SASH1: variants seen among roughly 807,000 people sequenced by gnomAD.
SASH1 encodes the protein SAM and SH3 domain containing 1.
SASH1 carries 44 observed loss-of-function variants against 125.2 expected under a neutral mutation model. The observed-to-expected ratio is 0.35, with a 90% confidence interval of 0.28 to 0.45. The LOEUF is 0.45. Ranked by LOEUF, SASH1 falls within the 20% of genes least tolerant of loss-of-function variation. The pLI is 1.00. For missense variants in SASH1, 1,426 were observed against 1,614.5 expected, an observed-to-expected ratio of 0.88 and a Z score of 2.00; for synonymous variants, 639 against 649.1, an observed-to-expected ratio of 0.98 and a Z score of 0.24.
intron 1 of SASH1, among the ~76,000 whole-genome samples, chr6:148,317,217 G>T (rs1780499808): frequency 6.6e-6 from 1 of 152,170 alleles, no homozygotes. Context: ...ATGAAGACAA[G>T]AAATTCCAGT....
At chr6:148,248,086 A>G in the SASH1 span, among the ~76,000 whole-genome samples, 1 of 152,232 alleles carries the variant, frequency 6.6e-6, no homozygotes, top group African/African-American at 2.4e-5. Context: ...TCACCCCTGA[A>G]TGCTAACAAT....
At chr6:148,327,380 G>T (rs76407090) in intron 1 of SASH1, among the ~76,000 whole-genome samples, 13,285 of 151,348 alleles carry the variant, frequency 0.088, 657 homozygotes, top group African/African-American at 0.12. Flanking sequence ...CGCCTCCGAG[G>T]TTCAAGGAAT....
chr6:148,396,933 G>A (rs1258543431), intron 2 of SASH1, among the ~76,000 whole-genome samples: 2 of 152,084 alleles, frequency 1.3e-5, no homozygotes, highest in Non-Finnish European at 2.9e-5. Context: ...ATTTCTTTCC[G>A]TTCCTTTCTG....
intron 1 of SASH1, among the ~76,000 whole-genome samples, chr6:148,325,291 T>TTGTTGTTG (rs1562325566): frequency 1.2e-5 from 1 of 83,698 alleles, no homozygotes; most frequent in Non-Finnish European, 2.6e-5. Flanking sequence ...TGTTGTTGTT[T>TTGTTGTTG]TTGAGACAGA....
intron 6 of SASH1, among the ~76,000 whole-genome samples, chr6:148,472,152 A>C (rs1415578586): frequency 6.6e-6 from 1 of 152,224 alleles, no homozygotes; most frequent in Admixed American, 6.5e-5. Flanking sequence ...TCCAGATTCC[A>C]GTCCAGCTGA....
the SASH1 span, among the ~76,000 whole-genome samples, chr6:148,214,598 A>G: frequency 6.6e-6 from 1 of 152,188 alleles, no homozygotes; most frequent in Non-Finnish European, 1.5e-5. Flanking sequence ...TCTCAGAATA[A>G]TAATGATTTC....
At chr6:148,459,717 T>G (rs777418868) in intron 4 of SASH1, among the ~76,000 whole-genome samples, 1 of 145,398 alleles carries the variant, frequency 6.9e-6, no homozygotes, top group Non-Finnish European at 1.5e-5. Flanking sequence ...CCGCTAATAA[T>G]AGCTAGCTTA....
At chr6:148,293,666 A>C (rs1387270131) in intron 1 of SASH1, among the ~76,000 whole-genome samples, 1 of 152,086 alleles carries the variant, frequency 6.6e-6, no homozygotes, top group Non-Finnish European at 1.5e-5. Context: ...CAGGATCTAA[A>C]TTTTCTACAA....
At chr6:148,409,381 G>T (rs117321014) in intron 2 of SASH1, among the ~76,000 whole-genome samples, 1,743 of 152,272 alleles carry the variant, frequency 0.011, 19 homozygotes, top group Non-Finnish European at 0.018. Context: ...CAGTTCCTGC[G>T]TAAATCAACT....
rs145608743 is a variant in SASH1, at chr6:148,486,912, G to A, written c.628-702G>A. Among the ~76,000 whole-genome samples, 393 of 106,168 alleles carry A rather than the reference G, an allele frequency of 3.7e-3. 23 individuals are homozygous for A. In the East Asian group the frequency reaches 0.088, roughly 24 times the overall value. 69.7% of individuals were successfully genotyped at this position (106,168 alleles called of 152,430 possible). ...ATTGTAGCCTGGGTGACAGAGTAGAGACCCTGTCTCAACAACAACAACAAA... is the reference window on the plus strand; with the variant it reads ...ATTGTAGCCTGGGTGACAGAGTAGAAACCCTGTCTCAACAACAACAACAAA... On this transcript the variant is annotated intron_variant, in intron 7 of 19. Coordinates refer to ENST00000367467, the MANE Select transcript of SASH1 (RefSeq NM_015278.5).
chr6:148,391,098 C>T (rs1783697393), intron 2 of SASH1, among the ~76,000 whole-genome samples: 1 of 151,922 alleles, frequency 6.6e-6, no homozygotes, highest in South Asian at 2.1e-4. Context: ...AACTAGCCCA[C>T]CACTAAAGAC....
chr6:148,543,462 A>AT (rs1371307619), intron 17 of SASH1, among the ~76,000 whole-genome samples: 2 of 152,182 alleles, frequency 1.3e-5, no homozygotes, highest in African/African-American at 4.8e-5. Context: ...AGTCTTCATG[A>AT]TTCCTTTAAT....
At chr6:148,221,472 G>A in the SASH1 span, among the ~76,000 whole-genome samples, 1 of 152,206 alleles carries the variant, frequency 6.6e-6, no homozygotes, top group Non-Finnish European at 1.5e-5. Context: ...CAAACACAGT[G>A]AATAGGCAGA....
intron 8 of SASH1, among the ~76,000 whole-genome samples, chr6:148,498,237 A>AAC (rs776969291): frequency 0.13 from 18,515 of 146,344 alleles, 1,218 homozygotes; most frequent in Non-Finnish European, 0.14. Flanking sequence ...AAACAAACAA[A>AAC]AAAAAAAAAA....
At chr6:148,282,738 G>T (rs539688809) in intron 1 of SASH1, among the ~76,000 whole-genome samples, 8 of 130,324 alleles carry the variant, frequency 6.1e-5, no homozygotes, top group Non-Finnish European at 1.3e-4. Flanking sequence ...CAGAGGAACC[G>T]AACTAACACA....
chr6:148,521,286 G>C (rs1247665281), intron 10 of SASH1, among the ~76,000 whole-genome samples: 1 of 152,212 alleles, frequency 6.6e-6, no homozygotes, highest in Non-Finnish European at 1.5e-5. Flanking sequence ...ACAGTTGGCT[G>C]TGGGCCCTTT....
chr6:148,326,208 A>G (rs1476163451), intron 1 of SASH1, among the ~76,000 whole-genome samples: 5 of 147,196 alleles, frequency 3.4e-5, no homozygotes, highest in Non-Finnish European at 7.5e-5. Flanking sequence ...TTGTATTTTT[A>G]GTAGAGATGG....
chr6:148,509,920 A>G (rs1294290998), intron 8 of SASH1, among the ~76,000 whole-genome samples: 2 of 152,238 alleles, frequency 1.3e-5, no homozygotes, highest in African/African-American at 4.8e-5. Context: ...CACTTGTTCC[A>G]AAAGAAGCTG....
Position 148,519,793 on chromosome 6 carries a change from G to A in SASH1, c.1109G>A (p.Gly370Glu). 4 of 1,613,884 alleles carry A rather than the reference G, an allele frequency of 2.5e-6. No individual in the cohort carries two copies. The highest frequency in any genetic ancestry group is 1.7e-6 in the Non-Finnish European group (2 of 1,179,946). The change falls in exon 10 of 20, where the codon GGG becomes GAG. Residue 370 changes from glycine to glutamate, a missense_variant. Gly to Glu is a moderately conservative substitution (Grantham distance 98). Around this residue, in one of 3 missense-constraint regions of SASH1, gnomAD observed 567 missense variants for 575.6 expected, o/e 0.99. Transcript: ENST00000367467. This position sits in a 1 kb window ranked among gnomAD's most constrained non-coding sequence, Gnocchi z 4.8. ...RGLIKPPKKM[G>E]TFFSYPEEEK... ...CTGATTAAGCCCCCCAAGAAGATGGGGACATTCTTCTCCTACCCAGAAGAA... is the reference window on the plus strand; with the variant it reads ...CTGATTAAGCCCCCCAAGAAGATGGAGACATTCTTCTCCTACCCAGAAGAA...
Sources: allele counts gnomAD v4.1 joint callset (sites outside exome capture counted in the v4.1 genomes callset), GRCh38; gene constraint gnomAD v4.1.1; regional missense constraint gnomAD v4.1.1; non-coding constraint Gnocchi (gnomAD v3.1); transcripts MANE v1.5; gene names NCBI Gene and HGNC (gene_info 2026-07-23, HGNC 2026-07-21).